The following TNFRSF11B variants were observed in gnomAD, a reference collection of about 807,000 sequenced individuals.
TNFRSF11B encodes tumor necrosis factor receptor superfamily member 11B.
In TNFRSF11B, 16 loss-of-function variants were observed where a neutral mutation model predicts 43.4. That is an observed-to-expected ratio of 0.37 (90% CI 0.25 to 0.56). TNFRSF11B has a LOEUF of 0.56. TNFRSF11B is among the 20% of genes least tolerant of loss of function. The pLI is 0.80. For synonymous variants in TNFRSF11B, 185 were observed against 181.8 expected (o/e 1.02, Z -0.14); for missense variants, 444 against 490.1 (o/e 0.91, Z 0.89).
In TNFRSF11B at chr8:118,929,007, A is replaced by C. The variant is rs1812288696; in HGVS notation, c.401-78T>G. ...AGATGCCCTCTTAACACAGTTTTGGAAAGACTTTTCACTTGGTTTTTACTG... is the reference window on the plus strand; with the variant it reads ...AGATGCCCTCTTAACACAGTTTTGGCAAGACTTTTCACTTGGTTTTTACTG... On this transcript the variant is annotated intron_variant, in intron 2 of 4. Coordinates refer to ENST00000297350, the MANE Select transcript of TNFRSF11B (RefSeq NM_002546.4). The C allele has an allele frequency of 3.6e-6, 5 of 1,388,164 alleles. No homozygotes were observed. In the African/African-American group the frequency reaches 7.1e-5, roughly 20 times the overall value. The allele number at this position is 1,388,164 out of a possible 1,614,324, so 86.0% of individuals were successfully genotyped here. A position where few individuals can be genotyped will look rare whatever the true frequency, so the allele number is the denominator to read the frequency against.
Position 118,932,915 on chromosome 8 carries a change from G to T in TNFRSF11B, c.400+16C>A, listed in dbSNP as rs751542395. The T allele has an allele frequency of 6.2e-7, 1 of 1,613,926 alleles. No individual in the cohort carries two copies. The highest frequency in any genetic ancestry group is 1.1e-5 in the South Asian group (1 of 91,076). ...TTGCATGATCCTAATTAATTTTGCT[G>T]CACATTGACACGTACCAGCTTGCAC... is the stretch of plus-strand genomic sequence containing the variant. On this transcript the variant is annotated intron_variant, in intron 2 of 4. Transcript: ENST00000297350.
intron 1 of TNFRSF11B, among the ~76,000 whole-genome samples, chr8:118,938,663 C>T (rs960917585): frequency 6.6e-6 from 1 of 152,166 alleles, no homozygotes; most frequent in Admixed American, 6.5e-5. Context: ...GGAGATCAAT[C>T]ACAGCCTTCC....
chr8:118,935,574 C>G (rs1024308666), intron 1 of TNFRSF11B, among the ~76,000 whole-genome samples: 6 of 151,708 alleles, frequency 4.0e-5, no homozygotes, highest in Admixed American at 3.9e-4. Context: ...TTCAGGGCTT[C>G]TATAATTAAT....
At chr8:118,948,283 T>TTTTTTC (rs1554618560) in intron 1 of TNFRSF11B, among the ~76,000 whole-genome samples, 5 of 152,178 alleles carry the variant, frequency 3.3e-5, no homozygotes, top group African/African-American at 1.2e-4. Flanking sequence ...CCAGCCTTTT[T>TTTTTTC]TTTTTCTTTT....
chr8:118,925,479 T>G (rs1812234531), intron 4 of TNFRSF11B, among the ~76,000 whole-genome samples: 3 of 152,262 alleles, frequency 2.0e-5, no homozygotes. Context: ...TTCTCTTTTC[T>G]TTCGGCTTCA....
intron 1 of TNFRSF11B, among the ~76,000 whole-genome samples, chr8:118,933,640 G>A (rs1348449727): frequency 1.3e-5 from 2 of 152,178 alleles, no homozygotes; most frequent in Non-Finnish European, 2.9e-5. Context: ...CTCTAGGTGA[G>A]TGAGTTGGAT....
intron 1 of TNFRSF11B, among the ~76,000 whole-genome samples, chr8:118,950,023 T>C (rs1812618198): frequency 6.6e-6 from 1 of 152,246 alleles, no homozygotes; most frequent in East Asian, 1.9e-4. Context: ...CTTCTGATAA[T>C]GCTGTATCAT....
rs1812218864 is a variant in TNFRSF11B, at chr8:118,924,238, C to G, written c.*136G>C. ...TAGTCCTTTCTCCACATCATAGTTT[C>G]TTTTAGTACCCTGTGGCAAAATTAG... On this transcript the variant is annotated 3_prime_UTR_variant, in exon 5 of 5. Transcript: ENST00000297350. 1.1e-6 allele frequency: 1 copy of G among 946,544 alleles called. No homozygotes were observed. Among genetic ancestry groups the G allele is most frequent in the Non-Finnish European group, 1.7e-6 (1 of 595,536 alleles). The allele number at this position is 946,544 out of a possible 1,614,324, so 58.6% of individuals were successfully genotyped here.
At chr8:118,936,773 C>T (rs769007908) in intron 1 of TNFRSF11B, among the ~76,000 whole-genome samples, 9 of 152,056 alleles carry the variant, frequency 5.9e-5, no homozygotes, top group African/African-American at 9.7e-5. Context: ...CACTGCACTC[C>T]AGCCTGGCGA....
At chr8:118,937,787 C>A (rs1227487489) in intron 1 of TNFRSF11B, among the ~76,000 whole-genome samples, 1 of 152,126 alleles carries the variant, frequency 6.6e-6, no homozygotes, top group Non-Finnish European at 1.5e-5. Flanking sequence ...CAATTAGTTT[C>A]ATAAATATCT....
chr8:118,926,746 A>T (rs566199412), intron 3 of TNFRSF11B, 28 bp from the exon 4 acceptor site: 3 of 1,586,840 alleles, frequency 1.9e-6, no homozygotes, highest in Non-Finnish European at 1.7e-6. Flanking sequence ...AACCCAGAAG[A>T]TTTACTCAAC....
At chr8:118,942,607 T>C (rs964300363) in intron 1 of TNFRSF11B, among the ~76,000 whole-genome samples, 3 of 152,132 alleles carry the variant, frequency 2.0e-5, no homozygotes, top group Non-Finnish European at 2.9e-5. Flanking sequence ...TTATTATATA[T>C]GGGGCTATAT....
chr8:118,947,439 T>C (rs1812581036), intron 1 of TNFRSF11B, among the ~76,000 whole-genome samples: 1 of 152,136 alleles, frequency 6.6e-6, no homozygotes, highest in Admixed American at 6.6e-5. Context: ...AGCCCATACT[T>C]TGCCACAGAG....
Position 118,924,762 on chromosome 8 carries a change from T to A in TNFRSF11B, c.818A>T (p.Asp273Val), listed in dbSNP as rs1419907998. The A allele has an allele frequency of 6.2e-7, 1 of 1,614,108 alleles. No individual in the cohort carries two copies. Among genetic ancestry groups the A allele is most frequent in the East Asian group, 2.2e-5 (1 of 44,888 alleles). The change falls in exon 5 of 5, where the codon GAT (aspartate) becomes GTT (valine). Residue 273 changes from aspartate to valine, a missense_variant and splice_region_variant. By Grantham distance (152) the Asp-to-Val change is radical (BLOSUM62 -3). Coordinates refer to ENST00000297350, the MANE Select transcript of TNFRSF11B (RefSeq NM_002546.4). ...DQDIVKKIIQ[D>V]IDLCENSVQR... ...CACGCTGTTTTCACAGAGGTCAATA[T>A]CTGCATAAAGCAAAAGCCCAGATAA...
At chr8:118,928,660 C>CT in intron 3 of TNFRSF11B, 78 bp downstream of exon 3, 1 of 1,483,342 alleles carries the variant, frequency 6.7e-7, no homozygotes, top group Non-Finnish European at 9.4e-7. Context: ...AAGAATGTGG[C>CT]TGGAGGCCTT....
intron 3 of TNFRSF11B, among the ~76,000 whole-genome samples, chr8:118,927,514 T>C (rs139570608): frequency 5.0e-4 from 76 of 151,330 alleles, no homozygotes; most frequent in Non-Finnish European, 9.1e-4. Flanking sequence ...AAAGAGAATG[T>C]TAAAATTTGA....
chr8:118,951,750 T>A (rs1468796088), intron 1 of TNFRSF11B, 42 bp downstream of exon 1: 1 of 1,564,354 alleles, frequency 6.4e-7, no homozygotes, highest in Non-Finnish European at 8.7e-7. Context: ...GGCAGCAGCC[T>A]CCCCAGGCGC....
chr8:118,933,632 C>G (rs926134107), intron 1 of TNFRSF11B, among the ~76,000 whole-genome samples: 1 of 152,176 alleles, frequency 6.6e-6, no homozygotes, highest in South Asian at 2.1e-4. Context: ...AGGATTATCT[C>G]TAGGTGAGTG....
intron 2 of TNFRSF11B, among the ~76,000 whole-genome samples, chr8:118,931,639 C>T (rs1340964253): frequency 1.3e-5 from 2 of 152,164 alleles, no homozygotes; most frequent in African/African-American, 2.4e-5. Context: ...CCCTCAAATA[C>T]TCATACGAAG....
Sources: gnomAD v4.1 joint callset for allele counts (sites outside exome capture counted in the v4.1 genomes callset) on GRCh38, gnomAD v4.1.1 for gene constraint, MANE v1.5 for transcripts, NCBI Gene and HGNC (gene_info 2026-07-23, HGNC 2026-07-21) for gene names.